Variants in RPP30 observed in about 807,000 individuals in gnomAD.
The protein encoded by RPP30 is ribonuclease P protein subunit p30.
In RPP30, 36 loss-of-function variants were observed where a neutral mutation model predicts 38.6. The observed-to-expected ratio is 0.93, with a 90% CI of 0.71 to 1.23. The LOEUF is 1.23. RPP30 is among the 50% of genes most tolerant of loss of function. RPP30 has a pLI of 0.00. For synonymous variants in RPP30, 126 were observed against 112.7 expected (o/e 1.12, Z -0.75); for missense variants, 321 against 321.7 (o/e 1.00, Z 0.02).
chr10:90,883,999 T>C (rs375557439), intron 5 of RPP30, among the ~76,000 whole-genome samples: 2 of 152,328 alleles, frequency 1.3e-5, no homozygotes, highest in African/African-American at 4.8e-5. Flanking sequence ...ATGCTTCTTT[T>C]ACCTTACAGT....
At chr10:90,888,615 T>C (rs1463054208) in intron 6 of RPP30, among the ~76,000 whole-genome samples, 1 of 152,082 alleles carries the variant, frequency 6.6e-6, no homozygotes, top group Non-Finnish European at 1.5e-5. Flanking sequence ...CAGCTGGATG[T>C]CCACATTCAT....
intron 4 of RPP30, among the ~76,000 whole-genome samples, chr10:90,877,144 T>G (rs1047960088): frequency 1.3e-5 from 2 of 152,140 alleles, no homozygotes; most frequent in Admixed American, 6.5e-5. Context: ...AAACCCCATC[T>G]CTACTAAAAA....
Position 90,896,322 on chromosome 10 carries a change from G to GT in RPP30, c.630dup (p.Gly211TrpfsTer4). 1 of 1,614,014 alleles carries GT rather than the reference G, an allele frequency of 6.2e-7. No homozygotes were observed. The highest frequency in any genetic ancestry group is 8.5e-7 in the Non-Finnish European group (1 of 1,179,888). ...TTAATGCTCCCCCAAGAGGCTTGCT[G>GT]TTTGGGCTCTCTGAAAGTGACGCCA... On this transcript the variant is annotated frameshift_variant, in exon 10 of 11. Coordinates refer to ENST00000371703, the MANE Select transcript of RPP30 (RefSeq NM_006413.5). LOFTEE classifies it high-confidence loss of function.
intron 6 of RPP30, among the ~76,000 whole-genome samples, chr10:90,892,354 C>G: frequency 1.3e-5 from 2 of 152,264 alleles, no homozygotes; most frequent in South Asian, 4.2e-4. Context: ...TATTCACAAC[C>G]TTCAATAGCA....
downstream of RPP30, among the ~76,000 whole-genome samples, chr10:90,904,218 A>G (rs1253775501): frequency 6.6e-6 from 1 of 152,250 alleles, no homozygotes; most frequent in Non-Finnish European, 1.5e-5. Context: ...CAGGAAGTCC[A>G]AGATCATACT....
intron 6 of RPP30, among the ~76,000 whole-genome samples, chr10:90,886,102 TA>T (rs965616989): frequency 3.9e-5 from 6 of 152,158 alleles, no homozygotes; most frequent in Non-Finnish European, 7.3e-5. Flanking sequence ...AGTTAATTAT[TA>T]AGATGTTTTT....
At chr10:90,874,154 T>G (rs1420615568) in intron 1 of RPP30, among the ~76,000 whole-genome samples, 1 of 152,216 alleles carries the variant, frequency 6.6e-6, no homozygotes, top group Non-Finnish European at 1.5e-5. Flanking sequence ...GTTAATATCC[T>G]TTCATCCCCA....
At position 90,874,597 on chromosome 10, in the gene RPP30, T is replaced by C. The variant is rs140001024; in HGVS notation, c.83-272T>C. Among the ~76,000 whole-genome samples the C allele has an allele frequency of 2.8e-4, 43 of 152,332 alleles. No individual in the cohort carries two copies. In the East Asian group the frequency reaches 7.1e-3, roughly 25 times the overall value. On this transcript the variant is annotated intron_variant, in intron 1 of 10. Coordinates refer to ENST00000371703, the MANE Select transcript of RPP30 (RefSeq NM_006413.5). ...CCAGGCACTGTTCTCAAACACCTCA[T>C]GTGTATTATTTCATTTAAATTTCAT...
At chr10:90,897,898 G>T (rs1450711930) in intron 10 of RPP30, among the ~76,000 whole-genome samples, 4 of 152,108 alleles carry the variant, frequency 2.6e-5, no homozygotes, top group Admixed American at 2.6e-4. Flanking sequence ...AAAATGGGGT[G>T]TCCATCCCCT....
intron 6 of RPP30, among the ~76,000 whole-genome samples, chr10:90,894,279 C>T (rs997220990): frequency 1.3e-5 from 2 of 152,212 alleles, no homozygotes; most frequent in Non-Finnish European, 2.9e-5. Context: ...GTTATTCTCT[C>T]TTCAACATAT....
intron 4 of RPP30, among the ~76,000 whole-genome samples, chr10:90,876,479 C>T (rs568835029): frequency 1.3e-5 from 2 of 152,142 alleles, no homozygotes; most frequent in South Asian, 4.2e-4. Flanking sequence ...AGGAATGTTC[C>T]AAGGTAGGGA....
chr10:90,893,322 A>T (rs1001226752), intron 6 of RPP30, among the ~76,000 whole-genome samples: 3 of 152,174 alleles, frequency 2.0e-5, no homozygotes, highest in Non-Finnish European at 4.4e-5. Flanking sequence ...CTCAGGAGTA[A>T]ACCCCAGTAG....
rs147735522 is a variant in RPP30, at chr10:90,879,131, T to G, written c.339T>G (p.Phe113Leu). ...VAVFPKTEKL[F>L]HIACTHLDVD... ...TTTTTCCAAAGACAGAAAAGCTTTT[T>G]CATGTGAGTAACAGATAAGTAAAAG... The change falls in exon 5 of 11, where the codon TTT (phenylalanine) becomes TTG (leucine). Residue 113 changes from phenylalanine to leucine, a missense_variant. Coordinates refer to ENST00000371703, the MANE Select transcript of RPP30 (RefSeq NM_006413.5). 2 of 1,612,912 alleles carry G rather than the reference T, an allele frequency of 1.2e-6. No homozygotes were observed. Among genetic ancestry groups the G allele is most frequent in the Non-Finnish European group, 1.7e-6 (2 of 1,178,954 alleles).
downstream of RPP30, among the ~76,000 whole-genome samples, chr10:90,907,120 G>A (rs563368877): frequency 3.9e-5 from 6 of 152,214 alleles, no homozygotes; most frequent in South Asian, 1.2e-3. Context: ...CTTCTCTCGT[G>A]TACCCTCCCA....
chr10:90,906,472 G>A (rs1285034836), downstream of RPP30, among the ~76,000 whole-genome samples: 1 of 152,212 alleles, frequency 6.6e-6, no homozygotes, highest in Non-Finnish European at 1.5e-5. Flanking sequence ...AGATTTTAAG[G>A]ATTTTATAAG....
downstream of RPP30, among the ~76,000 whole-genome samples, chr10:90,904,841 TTTA>T (rs1414466159): frequency 4.6e-5 from 7 of 152,146 alleles, no homozygotes; most frequent in Admixed American, 4.6e-4. Context: ...TATTTTATTA[TTTA>T]TTACTTCATT....
At chr10:90,898,611 C>T (rs1838739042) in intron 10 of RPP30, among the ~76,000 whole-genome samples, 1 of 152,094 alleles carries the variant, frequency 6.6e-6, no homozygotes, top group Non-Finnish European at 1.5e-5. Context: ...TCTACTCAGT[C>T]CTTAAAGGGT....
At position 90,872,031 on chromosome 10, in the gene RPP30, G is replaced by A. The variant is rs1564709079; in HGVS notation, c.45G>A (p.Leu15=). The part of the protein sequence containing the change: ...ADLDLRAGSD[L]KALRGLVETA... ...TGGACCTGCGAGCGGGTTCTGACCTGAAGGCTCTGCGCGGACTTGTGGAGA... is the reference window on the plus strand; with the variant it reads ...TGGACCTGCGAGCGGGTTCTGACCTAAAGGCTCTGCGCGGACTTGTGGAGA... Residue 15 remains leucine (L), a synonymous_variant, in exon 1 of 11, where the codon CTG becomes CTA. Transcript: ENST00000371703. 2 of 1,614,186 alleles carry A rather than the reference G, an allele frequency of 1.2e-6. No homozygotes were observed. Among genetic ancestry groups the A allele is most frequent in the African/African-American group, 1.3e-5 (1 of 75,060 alleles).
intron 3 of RPP30, 70 bp downstream of exon 3, chr10:90,875,684 A>G (rs938599198): frequency 5.2e-5 from 69 of 1,327,324 alleles, no homozygotes; most frequent in Non-Finnish European, 4.7e-5. Context: ...TTATTGTGCT[A>G]TTCTCTAGCT....
Sources: allele counts gnomAD v4.1 joint callset (sites outside exome capture counted in the v4.1 genomes callset), GRCh38; gene constraint gnomAD v4.1.1; transcripts MANE v1.5; gene names NCBI Gene and HGNC (gene_info 2026-07-23, HGNC 2026-07-21).